UTP25: variants seen among roughly 807,000 people sequenced by gnomAD.
UTP25 encodes UTP25 small subunit processome component.
In UTP25, 50 loss-of-function variants were observed where a neutral mutation model predicts 78.9. That is an observed-to-expected ratio of 0.63 (90% CI 0.50 to 0.80). The LOEUF is 0.80. Ranked by LOEUF, UTP25 falls within the 30% of genes least tolerant of loss-of-function variation. The pLI is 0.00. For missense variants in UTP25, 846 were observed against 911.3 expected, an observed-to-expected ratio of 0.93 and a Z score of 0.92; for synonymous variants, 329 against 336.5, an observed-to-expected ratio of 0.98 and a Z score of 0.24.
intron 1 of UTP25, among the ~76,000 whole-genome samples, chr1:209,828,799 G>A (rs918837606): frequency 6.7e-6 from 1 of 148,576 alleles, no homozygotes; most frequent in African/African-American, 2.5e-5. Context: ...TTAAGACAGA[G>A]TCTCGCTTTG....
In UTP25 at chr1:209,853,587, A is replaced by T. The variant is rs1314575968; in HGVS notation, c.*2140A>T. On this transcript the variant is annotated 3_prime_UTR_variant, in exon 12 of 12. Coordinates refer to ENST00000491415, the MANE Select transcript of UTP25 (RefSeq NM_014388.7). ...TGGCCAGGCTGGTCTCAAACTCTTG[A>T]CCTCAAGTGATCTGCCCACCTCAGC... is the stretch of plus-strand genomic sequence containing the variant. 1 of 152,172 alleles carries T rather than the reference A, an allele frequency of 6.6e-6. No individual in the cohort carries two copies. Among genetic ancestry groups the T allele is most frequent in the Non-Finnish European group, 1.5e-5 (1 of 68,080 alleles). The allele number at this position is 152,172 out of a possible 1,614,324, so 9.4% of individuals were successfully genotyped here.
In UTP25 at chr1:209,838,916, T is replaced by C; in HGVS notation, c.1070T>C (p.Ile357Thr). ...CTGTTGCTGTCTGCACAGGTACTGA[T>C]AGTGGTGCCATTCCGGGAAGCTGCT... ...DQGLTRPKVLIVVPFREAALR... is the reference protein window; with the variant it reads ...DQGLTRPKVLTVVPFREAALR... The change falls in exon 7 of 12, where the codon ATA (isoleucine) becomes ACA (threonine). Residue 357 changes from isoleucine (I) to threonine (T), a missense_variant. By Grantham distance (89) the Ile-to-Thr change is moderately conservative. Transcript: ENST00000491415. 3 of 1,614,114 alleles carry C rather than the reference T, an allele frequency of 1.9e-6. No individual in the cohort carries two copies. The highest frequency in any genetic ancestry group is 1.1e-5 in the South Asian group (1 of 91,090).
intron 3 of UTP25, among the ~76,000 whole-genome samples, chr1:209,832,166 T>C (rs1381051238): frequency 6.6e-6 from 1 of 151,972 alleles, no homozygotes; most frequent in Non-Finnish European, 1.5e-5. Context: ...ATAAAAATAA[T>C]ATATATTTAC....
chr1:209,829,395 A>G (rs2078090004), intron 1 of UTP25, among the ~76,000 whole-genome samples: 1 of 152,210 alleles, frequency 6.6e-6, no homozygotes, highest in African/African-American at 2.4e-5. Flanking sequence ...TTCTCTAGAA[A>G]TGTCTAGGTG....
At position 209,827,999 on chromosome 1, in the gene UTP25, T is replaced by A. The variant is rs1482582063; in HGVS notation, c.-65T>A. ...AGTCAGCGAGCCCACGTGCTTGTGT[T>A]GACTGGACAACTTCCTGGTGGAAAA... is the stretch of plus-strand genomic sequence containing the variant. On this transcript the variant is annotated 5_prime_UTR_variant, in exon 1 of 12. Coordinates refer to ENST00000491415, the MANE Select transcript of UTP25 (RefSeq NM_014388.7). 2 of 1,316,080 alleles carry A rather than the reference T, an allele frequency of 1.5e-6. No individual in the cohort carries two copies. Among genetic ancestry groups the A allele is most frequent in the African/African-American group, 1.4e-5 (1 of 69,018 alleles). 81.5% of individuals were successfully genotyped at this position (1,316,080 alleles called of 1,614,324 possible).
In UTP25 at chr1:209,843,180, GAATA is replaced by G; in HGVS notation, c.1782-270_1782-267del. Reference sequence around the variant, plus strand: ...TGACTGAGTGACTGACTGACTGACTGAATAGTGTGGTGTGTACTTCCTAGAGTAA... The same window carrying G: ...TGACTGAGTGACTGACTGACTGACTGGTGTGGTGTGTACTTCCTAGAGTAA... On this transcript the variant is annotated intron_variant, in intron 10 of 11. Transcript: ENST00000491415. 3 of 483,354 alleles carry G rather than the reference GAATA, an allele frequency of 6.2e-6. No homozygotes were observed. In the East Asian group the frequency reaches 1.1e-4, roughly 19 times the overall value. The allele number at this position is 483,354 out of a possible 1,614,324, so 29.9% of individuals were successfully genotyped here. A position where few individuals can be genotyped will look rare whatever the true frequency, so the allele number is the denominator to read the frequency against.
intron 11 of UTP25, among the ~76,000 whole-genome samples, chr1:209,850,778 A>G (rs1273773452): frequency 6.6e-6 from 1 of 152,214 alleles, no homozygotes; most frequent in African/African-American, 2.4e-5. Context: ...GTGTATTTAC[A>G]ATCTGTACAA....
intron 11 of UTP25, among the ~76,000 whole-genome samples, chr1:209,846,764 T>C (rs540520624): frequency 1.3e-5 from 2 of 152,340 alleles, no homozygotes; most frequent in African/African-American, 4.8e-5. Context: ...GAAGAGGCCC[T>C]GGCCATGTTC....
chr1:209,842,467 C>G lies in UTP25; in HGVS notation c.1668+20C>G, dbSNP rs1451733568. On this transcript the variant is annotated intron_variant, in intron 9 of 11. Transcript: ENST00000491415. The stretch of plus-strand genomic sequence containing the variant: ...GGCCAGGTGGGTTCTCGTCTTGTTT[C>G]CTCAGTATCTTCATGAGCACTGTTT... The G allele has an allele frequency of 6.2e-7, 1 of 1,614,026 alleles. No homozygotes were observed. Among genetic ancestry groups the G allele is most frequent in the Non-Finnish European group, 8.5e-7 (1 of 1,179,906 alleles).
Position 209,842,423 on chromosome 1 carries a change from G to T in UTP25, c.1644G>T (p.Lys548Asn). Residue 548 changes from lysine to asparagine, a missense_variant, in exon 9 of 12, where the codon AAG becomes AAT. By Grantham distance (94) the Lys-to-Asn change is moderately conservative. Coordinates refer to ENST00000491415, the MANE Select transcript of UTP25 (RefSeq NM_014388.7). ...QDAQINSVFN[K>N]YCVNMQGQVA... ...CCCAGATCAACTCAGTGTTCAACAA[G>T]TACTGTGTCAACATGCAAGGCCAGG... 6.2e-7 allele frequency: 1 copy of T among 1,614,152 alleles called. No homozygotes were observed. The highest frequency in any genetic ancestry group is 8.5e-7 in the Non-Finnish European group (1 of 1,179,996).
intron 1 of UTP25, among the ~76,000 whole-genome samples, chr1:209,828,966 G>A (rs111764085): frequency 0.031 from 4,679 of 151,494 alleles, 233 homozygotes; most frequent in African/African-American, 0.11. Flanking sequence ...TTGAGACGGG[G>A]TTTCACCATG....
rs1467573099 is a variant in UTP25, at chr1:209,856,930, CTT to C, written c.*5484_*5485del. Reference sequence around the variant, plus strand: ...GAAAAATAATTAGCAAGAGAACAGACTTCAGCTCTCTGAAGGCTGATGACCAC... The same window carrying C: ...GAAAAATAATTAGCAAGAGAACAGACCAGCTCTCTGAAGGCTGATGACCAC... On this transcript the variant is annotated 3_prime_UTR_variant, in exon 12 of 12. Transcript: ENST00000491415. The C allele has an allele frequency of 6.6e-6, 1 of 152,232 alleles. No homozygotes were observed. The highest frequency in any genetic ancestry group is 2.1e-4 in the South Asian group (1 of 4,828). The allele number at this position is 152,232 out of a possible 1,614,324, so 9.4% of individuals were successfully genotyped here. A position where few individuals can be genotyped will look rare whatever the true frequency, so the allele number is the denominator to read the frequency against.
intron 11 of UTP25, chr1:209,844,683 C>T (rs1290920213): frequency 6.8e-6 from 1 of 147,534 alleles, no homozygotes; most frequent in Non-Finnish European, 1.5e-5. Flanking sequence ...GTTAGTAATA[C>T]TGAGCCTTCT....
chr1:209,840,229 C>T (rs2078158801), intron 7 of UTP25, among the ~76,000 whole-genome samples: 2 of 152,176 alleles, frequency 1.3e-5, no homozygotes, highest in African/African-American at 4.8e-5. Context: ...GTGAAGGTGA[C>T]ATTAAAGCCA....
chr1:209,835,178 G>T lies in UTP25; in HGVS notation c.651+15G>T. The T allele has an allele frequency of 6.2e-7, 1 of 1,607,318 alleles. No individual in the cohort carries two copies. The highest frequency in any genetic ancestry group is 1.3e-5 in the African/African-American group (1 of 74,862). On this transcript the variant is annotated intron_variant, in intron 5 of 11. Transcript: ENST00000491415. The stretch of plus-strand genomic sequence containing the variant: ...ACGAGCTTAAAGTAAGTGTTGCTTG[G>T]TCATCCCGGTCACAAATAGAGAAAG...
At chr1:209,839,771 A>G (rs894140904) in intron 7 of UTP25, among the ~76,000 whole-genome samples, 18 of 152,226 alleles carry the variant, frequency 1.2e-4, no homozygotes, top group African/African-American at 4.3e-4. Flanking sequence ...TCTACAGATA[A>G]ATATAGAAAT....
chr1:209,829,247 C>T (rs1358211308), intron 1 of UTP25, among the ~76,000 whole-genome samples: 1 of 152,190 alleles, frequency 6.6e-6, no homozygotes, highest in Non-Finnish European at 1.5e-5. Flanking sequence ...AAAATCCGCT[C>T]TTCTAGCCAT....
intron 5 of UTP25, among the ~76,000 whole-genome samples, chr1:209,836,023 A>G (rs868210304): frequency 2.6e-5 from 4 of 152,120 alleles, no homozygotes; most frequent in Admixed American, 6.5e-5. Context: ...TTATAACCAT[A>G]TCTGCCTCCC....
At position 209,830,900 on chromosome 1, in the gene UTP25, T is replaced by G; in HGVS notation, c.245T>G (p.Val82Gly). The G allele has an allele frequency of 6.2e-7, 1 of 1,614,058 alleles. No individual in the cohort carries two copies. Among genetic ancestry groups the G allele is most frequent in the Non-Finnish European group, 8.5e-7 (1 of 1,179,956 alleles). Residue 82 changes from valine to glycine, a missense_variant, in exon 3 of 12, where the codon GTT (valine) becomes GGT (glycine). Transcript: ENST00000491415. ...AGACTACTTGCTACATTAAAGAATG[T>G]TTCTGAGGAAGAAGAGGAAGATGAG... is the stretch of plus-strand genomic sequence containing the variant. ...YHRLLATLKN[V>G]SEEEEEDEEE...
Sources: gnomAD v4.1 joint callset for allele counts (sites outside exome capture counted in the v4.1 genomes callset) on GRCh38, gnomAD v4.1.1 for gene constraint, MANE v1.5 for transcripts, NCBI Gene and HGNC (gene_info 2026-07-23, HGNC 2026-07-21) for gene names.